BUD13: variants seen among roughly 807,000 people sequenced by gnomAD.
BUD13 encodes the protein BUD13 homolog.
BUD13 carries 47 observed loss-of-function variants against 62.5 expected under a neutral mutation model. That is an observed-to-expected ratio of 0.75 (90% CI 0.60 to 0.96). The LOEUF (loss-of-function observed/expected upper bound fraction) is 0.96. Ranked by LOEUF, BUD13 falls within the 40% of genes least tolerant of loss-of-function variation. The pLI is 0.00. For synonymous variants in BUD13, 293 were observed against 280.1 expected (o/e 1.05, Z -0.46); for missense variants, 821 against 790.9 (o/e 1.04, Z -0.46).
At position 116,757,791 on chromosome 11, in the gene BUD13, C is replaced by T. The variant is rs1940355855; in HGVS notation, c.1659G>A (p.Lys553=). ...DPMANFIKKN[K]AKENKNKKVR... ...CTTTTTTATTCTTGTTCTCCTTGGC[C>T]TTATTCTTCTTGATGAAGTTGGCCA... The change falls in exon 8 of 10, where the codon AAG becomes AAA. Residue 553 remains lysine (K), a synonymous_variant. Transcript: ENST00000260210. The T allele has an allele frequency of 1.9e-6, 3 of 1,613,516 alleles. No individual in the cohort carries two copies. Among genetic ancestry groups the T allele is most frequent in the Non-Finnish European group, 1.7e-6 (2 of 1,179,844 alleles).
intron 3 of BUD13, among the ~76,000 whole-genome samples, chr11:116,763,669 C>T (rs564758979): frequency 3.4e-4 from 52 of 152,198 alleles, no homozygotes; most frequent in Admixed American, 5.9e-4. Flanking sequence ...ACTCCCAGTC[C>T]AATGTTCTTT....
At chr11:116,765,589 G>T in intron 2 of BUD13, 143 bp from the exon 3 acceptor site, 1 of 734,052 alleles carries the variant, frequency 1.4e-6, no homozygotes, top group East Asian at 2.6e-5. Context: ...GAAGTAAGTA[G>T]GGGTCTTCAG....
intron 2 of BUD13, among the ~76,000 whole-genome samples, chr11:116,767,903 G>A (rs1278531684): frequency 6.6e-6 from 1 of 151,326 alleles, no homozygotes; most frequent in African/African-American, 2.4e-5. Flanking sequence ...CACCTGGAAG[G>A]TAGAGGCTAC....
intron 6 of BUD13, 39 bp downstream of exon 6, chr11:116,759,035 T>G: frequency 3.6e-6 from 5 of 1,399,896 alleles, no homozygotes; most frequent in Non-Finnish European, 5.0e-6. Context: ...AAAAAAACAG[T>G]ATGAGCCTAA....
At position 116,758,399 on chromosome 11, in the gene BUD13, G is replaced by C. The variant is rs1405326716; in HGVS notation, c.1369C>G (p.Gln457Glu). The change falls in exon 7 of 10, where the codon CAA becomes GAA. Residue 457 changes from glutamine (Q) to glutamate (E), a missense_variant. By Grantham distance (29) the Gln-to-Glu change is conservative. Transcript: ENST00000260210. ...TCTCGAAATACGGTTTCAGCATATT[G>C]AAATTCAGCTGCAAAGGAAAATTAT... Reference protein sequence around the residue: ...QETMAFEAEFQYAETVFRDKS... With the variant: ...QETMAFEAEFEYAETVFRDKS... The C allele has an allele frequency of 1.9e-6, 3 of 1,613,758 alleles. No homozygotes were observed. The East Asian group carries it at 6.7e-5, about 36-fold the overall frequency.
chr11:116,761,542 CCACTGACTGT>C (rs1940432200), intron 4 of BUD13, among the ~76,000 whole-genome samples: 1 of 152,120 alleles, frequency 6.6e-6, no homozygotes, highest in African/African-American at 2.4e-5. Flanking sequence ...TCCCAAGTGA[CCACTGACTGT>C]AACTGGTGTG....
At chr11:116,764,608 C>A (rs959074655) in intron 3 of BUD13, among the ~76,000 whole-genome samples, 2 of 152,104 alleles carry the variant, frequency 1.3e-5, no homozygotes, top group African/African-American at 2.4e-5. Context: ...GACAAACAGA[C>A]ATGGAGACCA....
rs200998288 is a variant in BUD13, at chr11:116,757,956, C to T, written c.1500-6G>A. 3.1e-6 allele frequency: 5 copies of T among 1,610,690 alleles called. No individual in the cohort carries two copies. Among genetic ancestry groups the T allele is most frequent in the Middle Eastern group, 1.8e-4 (1 of 5,704 alleles). ...GTTGCCGGCTCTGGGCAAGCCTGGG[C>T]AAAAAGGAACCAAGAGTGTTTGCTA... On this transcript the variant is annotated splice_region_variant and splice_polypyrimidine_tract_variant and intron_variant, in intron 7 of 9. Transcript: ENST00000260210.
At chr11:116,757,703 T>A (rs935396108) in intron 8 of BUD13, 63 bp downstream of exon 8, 1 of 1,489,916 alleles carries the variant, frequency 6.7e-7, no homozygotes, top group African/African-American at 1.4e-5. Context: ...TAGCTATGTA[T>A]CAGCATCCTA....
intron 9 of BUD13, among the ~76,000 whole-genome samples, chr11:116,751,511 C>G (rs1940234445): frequency 6.6e-6 from 1 of 152,076 alleles, no homozygotes; most frequent in Admixed American, 6.6e-5. Context: ...GCCTGTAATC[C>G]CAGCTACTCG....
intron 6 of BUD13, among the ~76,000 whole-genome samples, 177 bp from the exon 7 acceptor site, chr11:116,758,584 T>C (rs969461975): frequency 7.3e-5 from 7 of 95,670 alleles, no homozygotes; most frequent in African/African-American, 1.4e-4. Flanking sequence ...GGCATTTTCC[T>C]TTTTTTTTTT....
At chr11:116,753,108 C>T (rs904963724) in intron 9 of BUD13, among the ~76,000 whole-genome samples, 5 of 151,928 alleles carry the variant, frequency 3.3e-5, no homozygotes, top group Non-Finnish European at 5.9e-5. Flanking sequence ...GAAGAGTGAC[C>T]AAAAGTAAGT....
At chr11:116,760,975 T>C (rs1404301216) in intron 4 of BUD13, 23 bp from the exon 5 acceptor site, 4 of 1,601,928 alleles carry the variant, frequency 2.5e-6, no homozygotes, top group Non-Finnish European at 3.4e-6. Flanking sequence ...AAAGAATCTG[T>C]GTGACTCTGA....
rs1473168649 is a variant in BUD13, at chr11:116,763,058, GGGA to G, written c.528_530del (p.Pro177del). On this transcript the variant is annotated inframe_deletion, in exon 4 of 10. Transcript: ENST00000260210. The stretch of plus-strand genomic sequence containing the variant: ...CTGAGGAGTCATGACGGATCCTCCT[GGGA>G]GGAGATGTGTCTGAGTCATGACGAG... 11 of 1,611,638 alleles carry G rather than the reference GGGA, an allele frequency of 6.8e-6. No individual in the cohort carries two copies. Among genetic ancestry groups the G allele is most frequent in the Non-Finnish European group, 9.3e-6 (11 of 1,179,164 alleles).
At chr11:116,748,878 G>C (rs902363763) in intron 9 of BUD13, among the ~76,000 whole-genome samples, 2 of 151,384 alleles carry the variant, frequency 1.3e-5, no homozygotes, top group Non-Finnish European at 2.9e-5. Flanking sequence ...CCAGCTATTC[G>C]GGAGGCTGAC....
At chr11:116,758,558 A>G (rs972423824) in intron 6 of BUD13, 151 bp from the exon 7 acceptor site, 192 of 706,826 alleles carry the variant, frequency 2.7e-4, no homozygotes, top group Middle Eastern at 8.1e-4. Flanking sequence ...GCATATTGGC[A>G]CTGGGCCCAA....
intron 2 of BUD13, among the ~76,000 whole-genome samples, chr11:116,767,247 A>AC (rs1387747027): frequency 1.3e-5 from 2 of 151,666 alleles, no homozygotes; most frequent in African/African-American, 4.8e-5. Flanking sequence ...GATAAAATAC[A>AC]CCCACAACAT....
In BUD13 at chr11:116,770,134, G is replaced by A. The variant is rs1940597628; in HGVS notation, c.232C>T (p.Pro78Ser). ...KEEEEDDGDL[P>S]VVAEFVDERP... ...ACAGCCCCAAAGATACATACCACAG[G>A]CAAATCTCCATCATCTTCCTCTTCC... The change falls in exon 2 of 10, where the codon CCT (proline) becomes TCT (serine). Residue 78 changes from proline to serine, a missense_variant. Transcript: ENST00000260210. 6.2e-7 allele frequency: 1 copy of A among 1,611,586 alleles called. No homozygotes were observed. Among genetic ancestry groups the A allele is most frequent in the Admixed American group, 1.7e-5 (1 of 59,856 alleles).
intron 9 of BUD13, among the ~76,000 whole-genome samples, chr11:116,756,573 T>C (rs888377658): frequency 5.3e-5 from 8 of 152,140 alleles, no homozygotes; most frequent in African/African-American, 1.4e-4. Flanking sequence ...TTGTGCTAGA[T>C]ACTAAAACAA....
Sources: allele counts gnomAD v4.1 joint callset (sites outside exome capture counted in the v4.1 genomes callset), GRCh38; gene constraint gnomAD v4.1.1; transcripts MANE v1.5; gene names NCBI Gene and HGNC (gene_info 2026-07-23, HGNC 2026-07-21).